POMGNT1: variants seen among roughly 807,000 people sequenced by gnomAD.
POMGNT1 encodes the protein protein O-linked-mannose beta-1,2-N-acetylglucosaminyltransferase 1.
A neutral mutation model predicts 95.6 loss-of-function variants in POMGNT1; 67 were observed. The ratio of observed to expected loss-of-function variants is 0.70; its 90% CI spans 0.58 to 0.86. POMGNT1 has a LOEUF of 0.86. POMGNT1 is among the 40% of genes least tolerant of loss of function. POMGNT1 has a pLI of 0.00. For synonymous variants in POMGNT1, 298 were observed against 317.9 expected (o/e 0.94, Z 0.66); for missense variants, 719 against 855.2 (o/e 0.84, Z 1.99).
Position 46,193,895 on chromosome 1 carries a change from C to T in POMGNT1, c.910G>A (p.Val304Met), listed in dbSNP as rs765980130. ...GGTCGGTTCCCTGCAATGACAGCCACAGGCACATTGAGGACCTTGTTGTCT... is the reference window on the plus strand; with the variant it reads ...GGTCGGTTCCCTGCAATGACAGCCATAGGCACATTGAGGACCTTGTTGTCT... ...LPDNKVLNVP[V>M]AVIAGNRPNY... The change falls in exon 10 of 22, where the codon GTG becomes ATG. Residue 304 changes from valine (V) to methionine (M), a missense_variant. Val to Met is a conservative substitution (Grantham distance 21, BLOSUM62 1). Transcript: ENST00000371984. 9.3e-6 allele frequency: 15 copies of T among 1,614,222 alleles called. No individual in the cohort carries two copies. Among genetic ancestry groups the T allele is most frequent in the Middle Eastern group, 1.6e-4 (1 of 6,062 alleles).
At chr1:46,211,305 G>A (rs955775138) in intron 1 of POMGNT1, among the ~76,000 whole-genome samples, 2 of 152,094 alleles carry the variant, frequency 1.3e-5, no homozygotes, top group Non-Finnish European at 2.9e-5. Flanking sequence ...TTCTACTCTG[G>A]GAAGGTGAGA....
chr1:46,192,757 C>T (rs548556322), intron 14 of POMGNT1, 143 bp downstream of exon 14: 2 of 1,578,384 alleles, frequency 1.3e-6, no homozygotes, highest in Admixed American at 1.7e-5. Context: ...TCAACAGCAG[C>T]CCCAACACCT....
chr1:46,195,406 C>A, intron 6 of POMGNT1: 1 of 374,122 alleles, frequency 2.7e-6, no homozygotes, highest in Non-Finnish European at 5.1e-6. Context: ...GCTCACATAT[C>A]ATCTCCTTGC....
rs915162163 is a variant in POMGNT1, at chr1:46,197,867, G to A, written c.-46C>T. The A allele has an allele frequency of 1.9e-6, 3 of 1,612,276 alleles. No individual in the cohort carries two copies. Among genetic ancestry groups the A allele is most frequent in the Admixed American group, 3.3e-5 (2 of 59,976 alleles). The stretch of plus-strand genomic sequence containing the variant: ...ATGTCCTGGCCAGCCCATGACTTCA[G>A]GAATCTGAAGGGACCAGAGGGCCAC... On this transcript the variant is annotated 5_prime_UTR_variant, in exon 2 of 22. Coordinates refer to ENST00000371984, the MANE Select transcript of POMGNT1 (RefSeq NM_017739.4).
At chr1:46,211,788 G>C (rs1007050194) in intron 1 of POMGNT1, among the ~76,000 whole-genome samples, 1 of 151,868 alleles carries the variant, frequency 6.6e-6, no homozygotes, top group South Asian at 2.1e-4. Flanking sequence ...TTTTTGAGAC[G>C]GAGTCTTGCT....
exon 1 of POMGNT1, chr1:46,219,887 C>G (rs577464237): frequency 4.6e-5 from 74 of 1,613,646 alleles, no homozygotes; most frequent in Non-Finnish European, 8.5e-7. Flanking sequence ...GCTGGGACAG[C>G]CTGCCAGACA....
chr1:46,201,351 T>A (rs551269084), upstream of POMGNT1, among the ~76,000 whole-genome samples: 33 of 150,478 alleles, frequency 2.2e-4, no homozygotes, highest in South Asian at 6.7e-3. Context: ...ATCTAAATTT[T>A]AAAAAAAGTT....
chr1:46,203,945 T>C (rs1318812134), intron 1 of POMGNT1, among the ~76,000 whole-genome samples: 3 of 152,086 alleles, frequency 2.0e-5, no homozygotes, highest in Non-Finnish European at 4.4e-5. Flanking sequence ...GCAGCACAAA[T>C]TCCCCCCGCC....
chr1:46,192,257 G>T, intron 16 of POMGNT1, 34 bp from the exon 17 acceptor site: 1 of 1,614,166 alleles, frequency 6.2e-7, no homozygotes, highest in Non-Finnish European at 8.5e-7. Flanking sequence ...AGGTTAAGAT[G>T]TTTCGAGTTG....
intron 1 of POMGNT1, among the ~76,000 whole-genome samples, chr1:46,210,655 A>G (rs1658864100): frequency 6.6e-6 from 1 of 152,208 alleles, no homozygotes; most frequent in Non-Finnish European, 1.5e-5. Context: ...CAAAGGATAT[A>G]GATGAAGAGA....
At chr1:46,208,578 C>T (rs66462608) in intron 1 of POMGNT1, among the ~76,000 whole-genome samples, 27,313 of 152,136 alleles carry the variant, frequency 0.18, 2,500 homozygotes, top group Admixed American at 0.23. Flanking sequence ...CACGGTGGCT[C>T]ATGCCTGTAA....
Position 46,195,853 on chromosome 1 carries a change from G to A in POMGNT1, c.492C>T (p.Leu164=), listed in dbSNP as rs562534688. The stretch of plus-strand genomic sequence containing the variant: ...GCACTCGGCCGGGCGCTACCATGTT[G>A]AGGAATAGCACCATGGCCTCATCCT... ...PHEDEAMVLF[L]NMVAPGRVLI... Residue 164 remains leucine, a synonymous_variant, in exon 6 of 22, where the codon CTC becomes CTT. Coordinates refer to ENST00000371984, the MANE Select transcript of POMGNT1 (RefSeq NM_017739.4). 1.3e-5 allele frequency: 21 copies of A among 1,612,010 alleles called. No individual in the cohort carries two copies. The East Asian group carries it at 4.7e-4, about 36-fold the overall frequency.
chr1:46,197,373 A>G, intron 2 of POMGNT1: 1 of 1,481,718 alleles, frequency 6.7e-7, no homozygotes, highest in Non-Finnish European at 9.0e-7. Flanking sequence ...GTTGGTTTCT[A>G]GAGATGGAGC....
intron 10 of POMGNT1, 68 bp downstream of exon 10, chr1:46,193,787 C>G: frequency 6.2e-7 from 1 of 1,605,628 alleles, no homozygotes; most frequent in Non-Finnish European, 8.5e-7. Context: ...CTCAAGAGTT[C>G]CTCCTGGAGG....
intron 1 of POMGNT1, among the ~76,000 whole-genome samples, chr1:46,210,058 T>C (rs1422938777): frequency 6.6e-6 from 1 of 152,202 alleles, no homozygotes; most frequent in Admixed American, 6.5e-5. Context: ...TGCAGTTATT[T>C]ATGTTCATCT....
chr1:46,219,637 T>C, intron 1 of POMGNT1: 2 of 1,502,078 alleles, frequency 1.3e-6, no homozygotes, highest in Non-Finnish European at 1.8e-6. Context: ...TAGTGGCCTG[T>C]GGAAACGCTG....
chr1:46,204,551 G>T (rs549895023), intron 1 of POMGNT1, among the ~76,000 whole-genome samples: 1 of 152,208 alleles, frequency 6.6e-6, no homozygotes, highest in African/African-American at 2.4e-5. Flanking sequence ...TGCCCAGCCT[G>T]TGCCAAGCTG....
At chr1:46,190,650 G>T in intron 18 of POMGNT1, 70 bp downstream of exon 18, 1 of 1,545,838 alleles carries the variant, frequency 6.5e-7, no homozygotes, top group East Asian at 2.2e-5. Flanking sequence ...CCCAGCATTG[G>T]AAGGGACTTT....
Position 46,195,993 on chromosome 1 carries a change from C to A in POMGNT1, c.420+19G>T, listed in dbSNP as rs200061297. The A allele has an allele frequency of 5.0e-6, 8 of 1,614,074 alleles. No homozygotes were observed. The East Asian group carries it at 1.8e-4, about 36-fold the overall frequency. On this transcript the variant is annotated intron_variant, in intron 5 of 21. Coordinates refer to ENST00000371984, the MANE Select transcript of POMGNT1 (RefSeq NM_017739.4). The stretch of plus-strand genomic sequence containing the variant: ...AGCCCAGCTCCAGCCCTCTGGGTCA[C>A]CCACCCCTAGAAACTCACCGTGGCC...
Sources: allele counts gnomAD v4.1 joint callset (sites outside exome capture counted in the v4.1 genomes callset), GRCh38; gene constraint gnomAD v4.1.1; transcripts MANE v1.5; gene names NCBI Gene and HGNC (gene_info 2026-07-23, HGNC 2026-07-21).